Variants in CDK5RAP2 observed in about 807,000 individuals in gnomAD.
CDK5RAP2 encodes CDK5 regulatory subunit-associated protein 2.
In CDK5RAP2, 147 loss-of-function variants were observed where a neutral mutation model predicts 232.9. The ratio of observed to expected loss-of-function variants is 0.63; its 90% CI spans 0.55 to 0.72. The LOEUF is 0.72. CDK5RAP2 is among the 30% of genes least tolerant of loss of function. CDK5RAP2 has a pLI of 0.00. For missense variants in CDK5RAP2, 2,195 were observed against 2,231.5 expected, an observed-to-expected ratio of 0.98 and a Z score of 0.33; for synonymous variants, 833 against 833.7, an observed-to-expected ratio of 1.00 and a Z score of 0.01.
intron 35 of CDK5RAP2, among the ~76,000 whole-genome samples, chr9:120,397,261 G>A (rs2032553918): frequency 6.6e-6 from 1 of 152,106 alleles, no homozygotes; most frequent in African/African-American, 2.4e-5. Context: ...TGCCCATCCA[G>A]CTTCAGCAAT....
intron 32 of CDK5RAP2, among the ~76,000 whole-genome samples, chr9:120,404,622 G>A (rs1336061939): frequency 4.6e-5 from 7 of 152,164 alleles, no homozygotes; most frequent in Non-Finnish European, 7.3e-5. Context: ...CCGGGTGCAG[G>A]GAAGGACAAA....
intron 1 of CDK5RAP2, 132 bp from the exon 2 acceptor site, chr9:120,572,173 A>T (rs747158753): frequency 1.3e-4 from 94 of 744,016 alleles, no homozygotes; most frequent in Non-Finnish European, 2.2e-4. Flanking sequence ...CCTATGTGGC[A>T]TGAAGCACAG....
intron 5 of CDK5RAP2, among the ~76,000 whole-genome samples, chr9:120,542,391 G>A (rs1299230932): frequency 6.6e-6 from 1 of 151,848 alleles, no homozygotes; most frequent in African/African-American, 2.4e-5. Flanking sequence ...TGTAATCCCA[G>A]CTACTCGGGA....
intron 12 of CDK5RAP2, among the ~76,000 whole-genome samples, chr9:120,511,087 A>C (rs977140515): frequency 1.3e-5 from 2 of 152,234 alleles, no homozygotes; most frequent in Admixed American, 6.5e-5. Context: ...GTTCGTGCAC[A>C]ATGAGACACA....
intron 2 of CDK5RAP2, among the ~76,000 whole-genome samples, chr9:120,570,852 T>TG (rs2042828613): frequency 6.6e-6 from 1 of 151,796 alleles, no homozygotes; most frequent in African/African-American, 2.4e-5. Context: ...TCAGACTTGT[T>TG]GGATTTTGCA....
chr9:120,566,863 C>G (rs2042667164), intron 3 of CDK5RAP2, among the ~76,000 whole-genome samples: 1 of 152,174 alleles, frequency 6.6e-6, no homozygotes, highest in South Asian at 2.1e-4. Context: ...GGGTTGTGTT[C>G]AATTCTAGGA....
intron 11 of CDK5RAP2, among the ~76,000 whole-genome samples, chr9:120,521,155 C>T (rs1025103017): frequency 2.6e-5 from 4 of 152,024 alleles, no homozygotes; most frequent in Non-Finnish European, 5.9e-5. Context: ...CACTATTAAC[C>T]AAGAATTTGA....
At chr9:120,506,603 A>G (rs1166926756) in intron 12 of CDK5RAP2, among the ~76,000 whole-genome samples, 2 of 152,222 alleles carry the variant, frequency 1.3e-5, no homozygotes, top group Non-Finnish European at 2.9e-5. Flanking sequence ...GAGAAGGGTC[A>G]AAATACCAAC....
Position 120,400,771 on chromosome 9 carries a change from C to G in CDK5RAP2, c.5422G>C (p.Asp1808His). 1.2e-6 allele frequency: 2 copies of G among 1,613,978 alleles called. No homozygotes were observed. Among genetic ancestry groups the G allele is most frequent in the Middle Eastern group, 1.7e-4 (1 of 5,920 alleles). Residue 1808 changes from aspartate (D) to histidine (H), a missense_variant, in exon 35 of 38, where the codon GAT (aspartate) becomes CAT (histidine). By Grantham distance (81) the Asp-to-His change is moderately conservative. Coordinates refer to ENST00000349780, the MANE Select transcript of CDK5RAP2 (RefSeq NM_018249.6). Reference protein sequence around the residue: ...KLLWRVSLPEDGQCPLHCEQI... With the variant: ...KLLWRVSLPEHGQCPLHCEQI... ...TCACAGTGAAGGGGGCACTGGCCAT[C>G]CTCGGGGAGTGAGACTCTCCAGAGA...
chr9:120,406,864 T>A, intron 32 of CDK5RAP2, 148 bp downstream of exon 32: 1 of 651,124 alleles, frequency 1.5e-6, no homozygotes, highest in Non-Finnish European at 2.7e-6. Flanking sequence ...TAATTAGCAG[T>A]CAGGTCCCCT....
rs2032963071 is a variant in CDK5RAP2, at chr9:120,401,002, G to GA, written c.5308-118dup. The GA allele has an allele frequency of 2.7e-6, 3 of 1,104,218 alleles. No individual in the cohort carries two copies. The African/African-American group carries it at 4.7e-5, about 17-fold the overall frequency. The allele number at this position is 1,104,218 out of a possible 1,614,324, so 68.4% of individuals were successfully genotyped here. Reference sequence around the variant, plus strand: ...AGGGCTTCTGTTTCACACGCTGAGCGAAAGCCTGGTACCACATAACACCAA... The same window carrying GA: ...AGGGCTTCTGTTTCACACGCTGAGCGAAAAGCCTGGTACCACATAACACCAA... On this transcript the variant is annotated intron_variant, in intron 34 of 37. Coordinates refer to ENST00000349780, the MANE Select transcript of CDK5RAP2 (RefSeq NM_018249.6).
intron 2 of CDK5RAP2, among the ~76,000 whole-genome samples, chr9:120,568,945 C>T (rs1471156776): frequency 6.6e-6 from 1 of 152,168 alleles, no homozygotes; most frequent in African/African-American, 2.4e-5. Context: ...AAGCAGTGGA[C>T]CGGAAACTGC....
chr9:120,414,346 G>C lies in CDK5RAP2; in HGVS notation c.4297+694C>G, dbSNP rs534485947. On this transcript the variant is annotated intron_variant, in intron 28 of 37. Coordinates refer to ENST00000349780, the MANE Select transcript of CDK5RAP2 (RefSeq NM_018249.6). ...ACTCGGGCTTTTCTGAGTGCGCCAA[G>C]CTGCTTTCAAGATACATGCTTTACG... Among the ~76,000 whole-genome samples, 21 of 152,290 alleles carry C rather than the reference G, an allele frequency of 1.4e-4. 1 individual carries two copies. The highest frequency in any genetic ancestry group is 3.4e-3 in the Middle Eastern group (1 of 294).
intron 14 of CDK5RAP2, among the ~76,000 whole-genome samples, chr9:120,485,530 T>C (rs746522801): frequency 1.3e-5 from 2 of 152,200 alleles, no homozygotes; most frequent in Non-Finnish European, 2.9e-5. Context: ...CTTGACCTTG[T>C]GATCCACCTG....
At chr9:120,471,210 G>A (rs2037684778) in intron 16 of CDK5RAP2, among the ~76,000 whole-genome samples, 1 of 152,136 alleles carries the variant, frequency 6.6e-6, no homozygotes, top group African/African-American at 2.4e-5. Context: ...AACTTTAAAG[G>A]GCTTAAGTTC....
chr9:120,485,185 A>C (rs1482874398), intron 14 of CDK5RAP2, among the ~76,000 whole-genome samples: 1 of 152,208 alleles, frequency 6.6e-6, no homozygotes, highest in African/African-American at 2.4e-5. Flanking sequence ...TGTGAAGTAC[A>C]TCACCCAGCA....
intron 31 of CDK5RAP2, chr9:120,407,946 T>G: frequency 3.5e-6 from 1 of 288,838 alleles, no homozygotes; most frequent in Non-Finnish European, 6.9e-6. Context: ...ATTTCCTGGG[T>G]GCCTACTATG....
Position 120,491,555 on chromosome 9 carries a change from T to G in CDK5RAP2, c.1312-78A>C, listed in dbSNP as rs574423107. On this transcript the variant is annotated intron_variant, in intron 12 of 37. Coordinates refer to ENST00000349780, the MANE Select transcript of CDK5RAP2 (RefSeq NM_018249.6). ...TTATGTGTTTGACTTGCTAAATTAC[T>G]GCTACAAGAGAGCAAGATAATAGAT... The G allele has an allele frequency of 5.2e-4, 508 of 970,520 alleles. 6 individuals are homozygous for G. The South Asian group carries it at 6.4e-3, about 12-fold the overall frequency. 60.1% of individuals were successfully genotyped at this position (970,520 alleles called of 1,614,324 possible). A position where few individuals can be genotyped will look rare whatever the true frequency, so the allele number is the denominator to read the frequency against.
intron 26 of CDK5RAP2, 130 bp downstream of exon 26, chr9:120,422,563 T>C: frequency 1.3e-6 from 1 of 741,796 alleles, no homozygotes; most frequent in Non-Finnish European, 2.5e-6. Flanking sequence ...GTTCCATAGA[T>C]GTTTATACCT....
Sources: allele counts gnomAD v4.1 joint callset (sites outside exome capture counted in the v4.1 genomes callset), GRCh38; gene constraint gnomAD v4.1.1; transcripts MANE v1.5; gene names NCBI Gene and HGNC (gene_info 2026-07-23, HGNC 2026-07-21).